H2BC18: variants seen among roughly 807,000 people sequenced by gnomAD.
The protein encoded by H2BC18 is H2B clustered histone 18.
In H2BC18, 8 loss-of-function variants were observed where a neutral mutation model predicts 6.3. The observed-to-expected ratio is 1.28, with a 90% CI of 0.75 to 2.31. The LOEUF (loss-of-function observed/expected upper bound fraction) is 2.31, where lower values mean the gene tolerates loss of function less well. Ranked by LOEUF, H2BC18 falls within the 30% of genes most tolerant of loss-of-function variation. The probability of loss-of-function intolerance (pLI) is 0.00; values close to 1 mark genes in which losing one functional copy is unlikely to be tolerated. For synonymous variants in H2BC18, 104 were observed against 78.1 expected, an observed-to-expected ratio of 1.33 and a Z score of -1.75; for missense variants, 106 against 174.5, an observed-to-expected ratio of 0.61 and a Z score of 2.21.
intron 1 of H2BC18, among the ~76,000 whole-genome samples, chr1:149,806,700 T>C (rs2091920778): frequency 6.6e-6 from 1 of 152,064 alleles, no homozygotes; most frequent in Admixed American, 6.5e-5. Flanking sequence ...TCAATGACAG[T>C]TGGTAAAGTA....
chr1:149,785,407 C>A (rs1265116471), intron 1 of H2BC18, among the ~76,000 whole-genome samples: 1 of 74,544 alleles, frequency 1.3e-5, no homozygotes, highest in Non-Finnish European at 2.9e-5. Context: ...AGAGCTGTTT[C>A]GTTTTTTTTT....
At chr1:149,791,687 A>G (rs2091718425) in intron 1 of H2BC18, 4 of 1,162,362 alleles carry the variant, frequency 3.4e-6, no homozygotes, top group Non-Finnish European at 4.7e-6. Context: ...ACATTTGGAA[A>G]TGTGGTCATC....
chr1:149,808,292 G>C (rs1428293886), downstream of H2BC18, among the ~76,000 whole-genome samples: 1 of 152,178 alleles, frequency 6.6e-6, no homozygotes, highest in Non-Finnish European at 1.5e-5. Context: ...TTGAGGAATG[G>C]ATACCTTTGT....
chr1:149,807,950 G>A (rs1351319695), downstream of H2BC18, among the ~76,000 whole-genome samples: 15 of 152,192 alleles, frequency 9.9e-5, no homozygotes, highest in Admixed American at 9.2e-4. Context: ...TGCATAAATT[G>A]TTTTGCACTC....
chr1:149,803,922 C>T (rs2091895185), intron 1 of H2BC18: 1 of 152,190 alleles, frequency 6.6e-6, no homozygotes, highest in Non-Finnish European at 1.5e-5. Context: ...ATTTTGGATG[C>T]TGAGTAGTTG....
rs1553752179 is a variant in H2BC18 at position 149,792,723 on chromosome 1, G to A, written c.378-9463C>T. 5 of 1,283,710 alleles carry A rather than the reference G, an allele frequency of 3.9e-6. 1 individual carries two copies. Among genetic ancestry groups the A allele is most frequent in the South Asian group, 1.2e-5 (1 of 80,646 alleles). The allele number at this position is 1,283,710 out of a possible 1,614,324, so 79.5% of individuals were successfully genotyped here. A position where few individuals can be genotyped will look rare whatever the true frequency, so the allele number is the denominator to read the frequency against. ...AAAGCTGTTGGGCGCGCGCTTCTCC[G>A]CAGCTCCGCGCCCCCGCCAAAACCC... is the stretch of plus-strand genomic sequence containing the variant. On this transcript the variant is annotated intron_variant, in intron 1 of 1. Transcript: ENST00000545683.
downstream of H2BC18, chr1:149,811,876 TA>T (rs2091978971): frequency 1.4e-6 from 2 of 1,402,342 alleles, no homozygotes; most frequent in Non-Finnish European, 2.0e-6. Context: ...CTTTCTCGAT[TA>T]CTGAAGTGGC....
downstream of H2BC18, among the ~76,000 whole-genome samples, chr1:149,807,554 C>T (rs1406380319): frequency 1.4e-5 from 2 of 147,672 alleles, no homozygotes; most frequent in Non-Finnish European, 3.0e-5. Context: ...ACCTGTAATC[C>T]CAGCACTTTG....
chr1:149,810,479 A>G (rs587726244), downstream of H2BC18: 3 of 152,288 alleles, frequency 2.0e-5, no homozygotes, highest in African/African-American at 7.2e-5. Flanking sequence ...AATTCATTTT[A>G]AGCACAAAGT....
chr1:149,790,062 C>G (rs200418525), intron 1 of H2BC18: 29 of 1,613,594 alleles, frequency 1.8e-5, no homozygotes, highest in Non-Finnish European at 2.1e-5. Flanking sequence ...AGAGCTATTT[C>G]CAGCTCCAGT....
chr1:149,811,188 C>G (rs1213158612), downstream of H2BC18: 4 of 152,188 alleles, frequency 2.6e-5, no homozygotes, highest in African/African-American at 9.7e-5. Flanking sequence ...AGCTCTTTGT[C>G]CCCCCAGAGG....
At chr1:149,786,161 T>C (rs1425302100) in intron 1 of H2BC18, 1 of 152,204 alleles carries the variant, frequency 6.6e-6, no homozygotes, top group Non-Finnish European at 1.5e-5. Context: ...TTTCCCACTC[T>C]TTTGGATATA....
downstream of H2BC18, among the ~76,000 whole-genome samples, chr1:149,808,827 C>T (rs1278646207): frequency 6.6e-6 from 1 of 151,936 alleles, no homozygotes; most frequent in Non-Finnish European, 1.5e-5. Flanking sequence ...CCAAAACAAG[C>T]TTGTTCCTAG....
At chr1:149,787,594 C>A (rs587743166) in intron 1 of H2BC18, 7 of 152,414 alleles carry the variant, frequency 4.6e-5, no homozygotes, top group African/African-American at 1.7e-4. Flanking sequence ...TTTTCTATTG[C>A]TGTGTAACAA....
chr1:149,804,270 A>G (rs1465713500), intron 1 of H2BC18, among the ~76,000 whole-genome samples: 1 of 152,126 alleles, frequency 6.6e-6, no homozygotes, highest in African/African-American at 2.4e-5. Context: ...TAAAAGCATC[A>G]TCTGATAGAA....
chr1:149,796,771 T>G (rs587714704), intron 1 of H2BC18, among the ~76,000 whole-genome samples: 8 of 152,376 alleles, frequency 5.3e-5, no homozygotes, highest in Admixed American at 5.2e-4. Context: ...TTATTTACCT[T>G]TCATGGGTTA....
At position 149,788,473 on chromosome 1, in the gene H2BC18, C is replaced by T. The variant is rs370037400; in HGVS notation, c.378-5213G>A. On this transcript the variant is annotated intron_variant, in intron 1 of 1. Transcript: ENST00000545683. ...GCTGGTGTACAATGTGCTTTACTAT[C>T]GAAATGGCAAAGCCTTTAAGTTTTT... The T allele has an allele frequency of 1.9e-5, 30 of 1,613,648 alleles. No homozygotes were observed. In the African/African-American group the frequency reaches 1.9e-4, roughly 10 times the overall value.
chr1:149,804,736 T>C (rs1164689737), intron 1 of H2BC18, among the ~76,000 whole-genome samples: 1 of 152,274 alleles, frequency 6.6e-6, no homozygotes, highest in Non-Finnish European at 1.5e-5. Flanking sequence ...TTTTCCACTT[T>C]ACAGGGGAAT....
At chr1:149,803,097 A>G (rs2091888845) in intron 1 of H2BC18, among the ~76,000 whole-genome samples, 1 of 152,028 alleles carries the variant, frequency 6.6e-6, no homozygotes, top group Non-Finnish European at 1.5e-5. Flanking sequence ...TAACCATCAC[A>G]CCCTAGGATT....
Sources: allele counts gnomAD v4.1 joint callset (sites outside exome capture counted in the v4.1 genomes callset), GRCh38; gene constraint gnomAD v4.1.1; transcripts MANE v1.5; gene names NCBI Gene and HGNC (gene_info 2026-07-23, HGNC 2026-07-21).